Variants in FBXL13 observed in about 807,000 individuals in gnomAD.
The protein encoded by FBXL13 is F-box and leucine rich repeat protein 13.
A neutral mutation model predicts 83.6 loss-of-function variants in FBXL13; 67 were observed. The observed-to-expected ratio is 0.80, with a 90% confidence interval of 0.66 to 0.98. FBXL13 has a LOEUF of 0.98. Among genes scored for constraint, FBXL13 ranks in the 50% least tolerant of loss-of-function variants. The pLI, the probability that FBXL13 is intolerant of heterozygous loss-of-function variation, is 0.00. For synonymous variants in FBXL13, 272 were observed against 299.5 expected (o/e 0.91, Z 0.95); for missense variants, 822 against 866.5 (o/e 0.95, Z 0.64).
rs1195116531 is a variant in FBXL13, at chr7:103,027,438, A to G, written c.327+11T>C. ...TTCGGATTCTTAAAAAATTGTTTCA[A>G]TATACAATACCAGCTCATCTTCTTT... On this transcript the variant is annotated intron_variant, in intron 5 of 19. Coordinates refer to ENST00000313221, the Ensembl canonical transcript of FBXL13. The G allele has an allele frequency of 6.3e-6, 10 of 1,577,406 alleles. No homozygotes were observed. The highest frequency in any genetic ancestry group is 4.5e-5 in the East Asian group (2 of 44,582).
intron 8 of FBXL13, among the ~76,000 whole-genome samples, chr7:102,950,571 C>T (rs1446800577): frequency 6.6e-6 from 1 of 152,118 alleles, no homozygotes; most frequent in Non-Finnish European, 1.5e-5. Context: ...ATGTTTATAA[C>T]AACTTTATTC....
intron 8 of FBXL13, among the ~76,000 whole-genome samples, chr7:102,957,115 C>A (rs1021576055): frequency 2.0e-5 from 3 of 152,046 alleles, no homozygotes; most frequent in Non-Finnish European, 4.4e-5. Flanking sequence ...GGAGGCATCG[C>A]ACTACCTGAC....
At chr7:102,822,402 A>G in intron 18 of FBXL13, 199 bp from the exon 20 acceptor site, 1 of 685,656 alleles carries the variant, frequency 1.5e-6, no homozygotes, top group Non-Finnish European at 2.7e-6. Flanking sequence ...GTGTCTTGGG[A>G]AGTCCCTCCT....
chr7:102,982,455 C>T (rs1828365826), intron 6 of FBXL13, among the ~76,000 whole-genome samples: 1 of 152,052 alleles, frequency 6.6e-6, no homozygotes, highest in Admixed American at 6.6e-5. Context: ...GAACTTTGCC[C>T]CAGCCTTGCA....
At chr7:103,047,897 T>C (rs1796435725) in intron 2 of FBXL13, among the ~76,000 whole-genome samples, 1 of 152,174 alleles carries the variant, frequency 6.6e-6, no homozygotes, top group Admixed American at 6.5e-5. Flanking sequence ...GGTTTCACCA[T>C]GTTAGCCGGG....
At chr7:103,053,166 T>C (rs1056883459) in intron 2 of FBXL13, among the ~76,000 whole-genome samples, 1 of 152,006 alleles carries the variant, frequency 6.6e-6, no homozygotes, top group African/African-American at 2.4e-5. Context: ...GTTTTGTTTT[T>C]TGAGACGAAG....
chr7:102,813,383 C>A, exon 20 of FBXL13: 1 of 1,613,990 alleles, frequency 6.2e-7, no homozygotes, highest in Non-Finnish European at 8.5e-7. Context: ...GACTTTTTCA[C>A]TGTTAATTCT....
At chr7:102,944,987 G>A (rs189268372) in intron 8 of FBXL13, 95 of 159,864 alleles carry the variant, frequency 5.9e-4, no homozygotes, top group African/African-American at 2.2e-3. Flanking sequence ...ACTTAAAGAT[G>A]ATCAAAATGA....
At chr7:102,885,570 C>T (rs1248082651) in intron 11 of FBXL13, among the ~76,000 whole-genome samples, 1 of 151,628 alleles carries the variant, frequency 6.6e-6, no homozygotes, top group Non-Finnish European at 1.5e-5. Context: ...TGTAGGTTGT[C>T]TTCTCATTTT....
intron 17 of FBXL13, among the ~76,000 whole-genome samples, chr7:102,839,689 G>C (rs905412199): frequency 6.6e-6 from 1 of 152,064 alleles, no homozygotes; most frequent in Non-Finnish European, 1.5e-5. Flanking sequence ...TCAGGGATCC[G>C]CCTGCCTCAG....
chr7:102,949,935 G>A (rs746208260), intron 8 of FBXL13, among the ~76,000 whole-genome samples: 1 of 151,946 alleles, frequency 6.6e-6, no homozygotes, highest in African/African-American at 2.4e-5. Context: ...GCGAAATCCC[G>A]TCTCTACTAA....
At chr7:102,910,328 G>T (rs1814438766) in intron 11 of FBXL13, among the ~76,000 whole-genome samples, 1 of 152,024 alleles carries the variant, frequency 6.6e-6, no homozygotes, top group South Asian at 2.1e-4. Context: ...TTAAAACCAG[G>T]TACGATGACT....
exon 8 of FBXL13, chr7:102,963,571 C>T (rs746204530): frequency 1.5e-5 from 24 of 1,612,470 alleles, no homozygotes; most frequent in African/African-American, 8.0e-5. Flanking sequence ...AAGACAACCA[C>T]GAAAATTCAA....
intron 2 of FBXL13, among the ~76,000 whole-genome samples, chr7:103,037,865 C>T (rs1328141271): frequency 6.6e-6 from 1 of 152,010 alleles, no homozygotes; most frequent in African/African-American, 2.4e-5. Flanking sequence ...CTCCGGTCTG[C>T]AGCTCCCAGC....
intron 11 of FBXL13, among the ~76,000 whole-genome samples, chr7:102,895,855 C>T (rs1331144102): frequency 2.0e-5 from 3 of 152,182 alleles, no homozygotes; most frequent in African/African-American, 4.8e-5. Context: ...CCAAGAGAAA[C>T]ACGGACATAT....
chr7:102,959,564 C>G (rs1330346630), intron 8 of FBXL13, among the ~76,000 whole-genome samples: 1 of 151,880 alleles, frequency 6.6e-6, no homozygotes, highest in Non-Finnish European at 1.5e-5. Context: ...TCATTTTACC[C>G]TTTAATATCT....
At chr7:102,910,990 G>A (rs761676420) in intron 11 of FBXL13, among the ~76,000 whole-genome samples, 2 of 152,070 alleles carry the variant, frequency 1.3e-5, no homozygotes, top group Non-Finnish European at 2.9e-5. Flanking sequence ...TGAACTCCTG[G>A]CCTCAAGTAA....
chr7:102,911,078 G>C (rs1354649649), intron 11 of FBXL13, among the ~76,000 whole-genome samples: 2 of 152,204 alleles, frequency 1.3e-5, no homozygotes, highest in Non-Finnish European at 2.9e-5. Context: ...ATACAAAGGT[G>C]TTTTTTCTCT....
chr7:103,024,064 C>T (rs1793536354), intron 6 of FBXL13, among the ~76,000 whole-genome samples: 1 of 150,020 alleles, frequency 6.7e-6, no homozygotes, highest in South Asian at 2.1e-4. Context: ...CACCAAATTC[C>T]TATGACACGC....
Sources: gnomAD v4.1 joint callset for allele counts (sites outside exome capture counted in the v4.1 genomes callset) on GRCh38, gnomAD v4.1.1 for gene constraint, MANE v1.5 for transcripts, NCBI Gene and HGNC (gene_info 2026-07-23, HGNC 2026-07-21) for gene names.